The following KDM3A variants were observed in gnomAD, a reference collection of about 807,000 sequenced individuals.
The protein encoded by KDM3A is lysine demethylase 3A.
A neutral mutation model predicts 158.0 loss-of-function variants in KDM3A; 60 were observed. That is an observed-to-expected ratio of 0.38 (90% CI 0.31 to 0.47). The LOEUF (loss-of-function observed/expected upper bound fraction) is 0.47. KDM3A is among the 20% of genes least tolerant of loss of function. The pLI, the probability that KDM3A is intolerant of heterozygous loss-of-function variation, is 0.99. For missense variants in KDM3A, 1,319 were observed against 1,574.3 expected, an observed-to-expected ratio of 0.84 and a Z score of 2.74; for synonymous variants, 608 against 549.3, an observed-to-expected ratio of 1.11 and a Z score of -1.49.
Position 86,464,318 on chromosome 2 carries a change from T to C in KDM3A, c.1007+102T>C. The C allele has an allele frequency of 4.8e-6, 4 of 839,792 alleles. No individual in the cohort carries two copies. The South Asian group carries it at 1.1e-4, about 22-fold the overall frequency. 52.0% of individuals were successfully genotyped at this position (839,792 alleles called of 1,614,324 possible). A position where few individuals can be genotyped will look rare whatever the true frequency, so the allele number is the denominator to read the frequency against. The stretch of plus-strand genomic sequence containing the variant: ...CTGGTTGTCCAGGGAGGTTTTTCGT[T>C]AGAGTTTCTGAGAAAAGATGGATAG... On this transcript the variant is annotated intron_variant, in intron 9 of 25. Coordinates refer to ENST00000312912, the MANE Select transcript of KDM3A (RefSeq NM_018433.6).
intron 1 of KDM3A, 63 bp from the exon 2 acceptor site, chr2:86,441,955 T>A: frequency 4.3e-6 from 5 of 1,155,258 alleles, no homozygotes; most frequent in Non-Finnish European, 5.0e-6. Context: ...CCCTCCCTGC[T>A]GTCTCCGCCC....
chr2:86,468,623 T>C (rs947596489), intron 10 of KDM3A, among the ~76,000 whole-genome samples: 2 of 151,394 alleles, frequency 1.3e-5, no homozygotes, highest in African/African-American at 4.9e-5. Flanking sequence ...GGTGTGAGAG[T>C]GTGATCAGAA....
Position 86,465,941 on chromosome 2 carries a change from A to C in KDM3A, c.1008-431A>C, listed in dbSNP as rs911751737. 6.0e-4 allele frequency among the ~76,000 whole-genome samples: 54 copies of C among 90,476 alleles called. No individual in the cohort carries two copies. The East Asian group carries it at 9.1e-3, about 15-fold the overall frequency. The allele number at this position is 90,476 out of a possible 152,430, so 59.4% of individuals were successfully genotyped here. On this transcript the variant is annotated intron_variant, in intron 9 of 25. Coordinates refer to ENST00000312912, the MANE Select transcript of KDM3A (RefSeq NM_018433.6). ...AGGTTTCTCTGAAATTTACACACAAAAAAAAAAAAAAAAAAAGAAGAAAGA... is the reference window on the plus strand; with the variant it reads ...AGGTTTCTCTGAAATTTACACACAACAAAAAAAAAAAAAAAAGAAGAAAGA...
rs758026537 is a variant in KDM3A at position 86,490,957 on chromosome 2, C to T, written c.3650C>T (p.Ser1217Leu). 23 of 1,613,770 alleles carry T rather than the reference C, an allele frequency of 1.4e-5. No individual in the cohort carries two copies. The highest frequency in any genetic ancestry group is 1.8e-5 in the Non-Finnish European group (21 of 1,179,850). The change falls in exon 24 of 26, where the codon TCA (serine) becomes TTA (leucine). Residue 1217 changes from serine (S) to leucine (L), a missense_variant. Physicochemically the swap from Ser to Leu is moderately radical, Grantham distance 145 (BLOSUM62 -2). Around this residue, in one of 4 missense-constraint regions of KDM3A, gnomAD observed 186 missense variants for 340.9 expected, o/e 0.55. Transcript: ENST00000312912. ...IHDQSWYLDR[S>L]LRKRLHQEYG... ...GATCAAAGCTGGTATTTAGACCGAT[C>T]ATTAAGAAAACGTCTTCATCAAGAG...
At chr2:86,467,137 C>T (rs1169951788) in intron 10 of KDM3A, among the ~76,000 whole-genome samples, 12 of 152,038 alleles carry the variant, frequency 7.9e-5, no homozygotes, top group African/African-American at 2.9e-4. Flanking sequence ...TAATTTTACC[C>T]TGTGAATTAG....
chr2:86,470,562 C>A (rs1409846030), intron 11 of KDM3A, among the ~76,000 whole-genome samples, 154 bp downstream of exon 11: 1 of 152,136 alleles, frequency 6.6e-6, no homozygotes, highest in African/African-American at 2.4e-5. Context: ...GAATCTAGAT[C>A]TTATTGCATG....
At chr2:86,452,113 A>G (rs1372075720) in intron 4 of KDM3A, among the ~76,000 whole-genome samples, 1 of 152,086 alleles carries the variant, frequency 6.6e-6, no homozygotes, top group African/African-American at 2.4e-5. Flanking sequence ...GCTAAGGTTA[A>G]ATAAGGTGAT....
chr2:86,441,306 G>A (rs1682687606), upstream of KDM3A: 1 of 152,416 alleles, frequency 6.6e-6, no homozygotes, highest in Admixed American at 6.5e-5. Flanking sequence ...CCAATGAGCG[G>A]CGGAAGCGGC....
At chr2:86,440,649 T>C (rs562150223), upstream of KDM3A, 1 of 152,360 alleles carries the variant, frequency 6.6e-6, no homozygotes, top group Non-Finnish European at 1.5e-5. Context: ...TGAACGTCAT[T>C]ATCCAGTAAC....
chr2:86,471,265 A>G (rs1221897389), intron 11 of KDM3A, among the ~76,000 whole-genome samples: 2 of 149,994 alleles, frequency 1.3e-5, no homozygotes, highest in Non-Finnish European at 2.9e-5. Flanking sequence ...GTGTATATAT[A>G]TGTGTATATA....
At chr2:86,481,440 G>A (rs72932307) in intron 16 of KDM3A, among the ~76,000 whole-genome samples, 27,100 of 151,420 alleles carry the variant, frequency 0.18, 2,955 homozygotes, top group African/African-American at 0.29. Flanking sequence ...TTTAGTAGAA[G>A]TGGGGTTTTG....
upstream of KDM3A, among the ~76,000 whole-genome samples, chr2:86,439,850 A>C (rs1682591732): frequency 6.6e-6 from 1 of 152,150 alleles, no homozygotes; most frequent in Non-Finnish European, 1.5e-5. Context: ...TAATATTGCT[A>C]TACTGCTTTC....
At chr2:86,485,071 T>C in intron 20 of KDM3A, 42 bp downstream of exon 20, 1 of 1,115,080 alleles carries the variant, frequency 9.0e-7, no homozygotes, top group Non-Finnish European at 1.3e-6. Context: ...TGTCCTTCAC[T>C]TGGTAGGATA....
At chr2:86,491,475 GATATT>G (rs2104720106) in intron 25 of KDM3A, 200 bp downstream of exon 25, 1 of 586,140 alleles carries the variant, frequency 1.7e-6, no homozygotes, top group African/African-American at 1.9e-5. Context: ...GGTTTGATTT[GATATT>G]GTTTAGAATC....
At position 86,451,220 on chromosome 2, in the gene KDM3A, CAT is replaced by C. The variant is rs761895936; in HGVS notation, c.453+9_453+10del. The stretch of plus-strand genomic sequence containing the variant: ...CCTTTTGAAGCCTATACAGGTAAAA[CAT>C]AGAAACAGTAGTAAACATTAGAAAC... On this transcript the variant is annotated splice_region_variant and intron_variant, in intron 4 of 25. Transcript: ENST00000312912. The C allele has an allele frequency of 1.3e-6, 2 of 1,526,602 alleles. No homozygotes were observed. Among genetic ancestry groups the C allele is most frequent in the East Asian group, 4.5e-5 (2 of 44,328 alleles). The allele number at this position is 1,526,602 out of a possible 1,614,324, so 94.6% of individuals were successfully genotyped here. A position where few individuals can be genotyped will look rare whatever the true frequency, so the allele number is the denominator to read the frequency against.
intron 10 of KDM3A, among the ~76,000 whole-genome samples, chr2:86,469,615 G>C (rs1673312298): frequency 6.6e-6 from 1 of 152,126 alleles, no homozygotes; most frequent in South Asian, 2.1e-4. Context: ...TCTTAATCCT[G>C]CTTGGACCAC....
intron 16 of KDM3A, among the ~76,000 whole-genome samples, chr2:86,481,689 T>G (rs556629598): frequency 6.6e-6 from 1 of 152,310 alleles, no homozygotes; most frequent in East Asian, 1.9e-4. Context: ...ACTAAACATT[T>G]GTCAGGGTTG....
rs765972655 is a variant in KDM3A at position 86,466,576 on chromosome 2, G to A, written c.1212G>A (p.Glu404=). The part of the protein sequence containing the change: ...KTNTDQENRL[E]SVPQALTGLP... ...ACACTGATCAGGAAAACAGATTGGA[G>A]TCTGTTCCACAAGCATTGACTGGCC... Residue 404 remains glutamate, a synonymous_variant, in exon 10 of 26, where the codon GAG becomes GAA. Coordinates refer to ENST00000312912, the MANE Select transcript of KDM3A (RefSeq NM_018433.6). 2.5e-6 allele frequency: 4 copies of A among 1,613,912 alleles called. No homozygotes were observed. The East Asian group carries it at 6.7e-5, about 27-fold the overall frequency.
chr2:86,484,943 T>A lies in KDM3A; in HGVS notation c.3096T>A (p.Asn1032Lys). 6.3e-7 allele frequency: 1 copy of A among 1,588,826 alleles called. No individual in the cohort carries two copies. Among genetic ancestry groups the A allele is most frequent in the Non-Finnish European group, 8.6e-7 (1 of 1,157,374 alleles). Residue 1032 changes from asparagine to lysine, a missense_variant and splice_region_variant, in exon 20 of 26, where the codon AAT becomes AAA. Around this residue, in one of 4 missense-constraint regions of KDM3A, gnomAD observed 368 missense variants for 415.8 expected, o/e 0.89. Coordinates refer to ENST00000312912, the MANE Select transcript of KDM3A (RefSeq NM_018433.6). ...TAGTTCATTCTGTTTACCTTTCAGA[T>A]CGTTTGAAAAATGAAAAAGAACCAA... is the stretch of plus-strand genomic sequence containing the variant. ...DFWDGFEDVP[N>K]RLKNEKEPMV... is the part of the protein sequence containing the mutation.
Sources: gnomAD v4.1 joint callset for allele counts (sites outside exome capture counted in the v4.1 genomes callset) on GRCh38, gnomAD v4.1.1 for gene constraint, gnomAD v4.1.1 regional missense constraint, MANE v1.5 for transcripts, NCBI Gene and HGNC (gene_info 2026-07-23, HGNC 2026-07-21) for gene names.